The following DTNA variants were observed in gnomAD, a reference collection of about 807,000 sequenced individuals.
DTNA encodes dystrobrevin alpha, also known as dystrophin-related protein 3.
A neutral mutation model predicts 100.7 loss-of-function variants in DTNA; 43 were observed. The observed-to-expected ratio is 0.43, with a 90% CI of 0.33 to 0.55. The LOEUF is 0.55. DTNA is among the 20% of genes least tolerant of loss of function. The pLI, the probability that DTNA is intolerant of heterozygous loss-of-function variation, is 0.04. For missense variants in DTNA, 798 were observed against 953.9 expected (o/e 0.84, Z 2.15); for synonymous variants, 349 against 347.9 (o/e 1.00, Z -0.04).
intron 1 of DTNA, among the ~76,000 whole-genome samples, chr18:34,581,108 G>T (rs955159655): frequency 6.6e-6 from 1 of 152,170 alleles, no homozygotes; most frequent in Non-Finnish European, 1.5e-5. Flanking sequence ...AATTAGCCGG[G>T]TGTGGTGGCG....
chr18:34,755,512 A>G (rs1011429475), intron 1 of DTNA: 3 of 180,620 alleles, frequency 1.7e-5, no homozygotes, highest in Non-Finnish European at 3.5e-5. Flanking sequence ...ACAGGATGAG[A>G]TGGAAGCCAT....
chr18:34,776,877 C>G (rs2094083376), intron 3 of DTNA, among the ~76,000 whole-genome samples: 2 of 152,206 alleles, frequency 1.3e-5, no homozygotes, highest in Non-Finnish European at 2.9e-5. Context: ...CATTGGCCTC[C>G]TTACTTCACT....
chr18:34,617,941 A>T (rs1038426712), intron 1 of DTNA, among the ~76,000 whole-genome samples: 2 of 152,158 alleles, frequency 1.3e-5, no homozygotes, highest in African/African-American at 4.8e-5. Context: ...GTATACCTGT[A>T]TGCACATTTT....
intron 4 of DTNA, among the ~76,000 whole-genome samples, chr18:34,794,573 G>A (rs555392741): frequency 4.9e-4 from 74 of 152,240 alleles, no homozygotes; most frequent in South Asian, 2.9e-3. Flanking sequence ...TTAATGAAGC[G>A]TGAAGTGGGA....
At chr18:34,629,586 C>T (rs997009237) in intron 1 of DTNA, among the ~76,000 whole-genome samples, 9 of 152,124 alleles carry the variant, frequency 5.9e-5, no homozygotes, top group Non-Finnish European at 1.0e-4. Flanking sequence ...GAATTCAAGT[C>T]GTAGTGAGAT....
At chr18:34,824,506 G>A (rs913329544) in intron 9 of DTNA, among the ~76,000 whole-genome samples, 1 of 151,674 alleles carries the variant, frequency 6.6e-6, no homozygotes, top group Non-Finnish European at 1.5e-5. Flanking sequence ...TTTACTACAT[G>A]GCACATGTAT....
intron 1 of DTNA, among the ~76,000 whole-genome samples, chr18:34,617,222 G>A (rs2055483921): frequency 6.6e-6 from 1 of 152,176 alleles, no homozygotes; most frequent in Admixed American, 6.5e-5. Context: ...AATGCTCCCA[G>A]CTTTTGCCCA....
At chr18:34,830,908 T>A (rs1411197856) in intron 11 of DTNA, among the ~76,000 whole-genome samples, 1 of 152,212 alleles carries the variant, frequency 6.6e-6, no homozygotes, top group African/African-American at 2.4e-5. Flanking sequence ...AAGAGCTATG[T>A]ATGGTGAGCC....
chr18:34,735,820 T>G (rs1208511111), intron 1 of DTNA, among the ~76,000 whole-genome samples: 1 of 152,160 alleles, frequency 6.6e-6, no homozygotes, highest in Non-Finnish European at 1.5e-5. Context: ...TAGCTACTTT[T>G]CCTAATGCTG....
At chr18:34,686,650 C>T (rs1304282302) in intron 1 of DTNA, among the ~76,000 whole-genome samples, 1 of 152,158 alleles carries the variant, frequency 6.6e-6, no homozygotes, top group African/African-American at 2.4e-5. Flanking sequence ...ATGCTGGCCT[C>T]ATGAAATGAG....
intron 11 of DTNA, among the ~76,000 whole-genome samples, chr18:34,835,970 A>G (rs1211635436): frequency 4.6e-5 from 7 of 152,240 alleles, no homozygotes; most frequent in Admixed American, 3.9e-4. Flanking sequence ...GGGAAGAATC[A>G]TGGATGTTTC....
At chr18:34,851,286 G>T (rs1355661161) in intron 14 of DTNA, among the ~76,000 whole-genome samples, 1 of 152,114 alleles carries the variant, frequency 6.6e-6, no homozygotes, top group African/African-American at 2.4e-5. Context: ...ATTTTTAGTA[G>T]AGATGGGATT....
chr18:34,862,026 A>C (rs1263546334), intron 16 of DTNA, among the ~76,000 whole-genome samples: 1 of 152,100 alleles, frequency 6.6e-6, no homozygotes, highest in Non-Finnish European at 1.5e-5. Context: ...ATTACAGAAC[A>C]GTATCAAGAA....
chr18:34,803,551 T>C (rs1157500885), intron 4 of DTNA, among the ~76,000 whole-genome samples: 1 of 152,200 alleles, frequency 6.6e-6, no homozygotes, highest in Non-Finnish European at 1.5e-5. Context: ...ACTGTATTGC[T>C]CTTGAAGCCT....
rs141796072 is a variant in DTNA, at chr18:34,594,248, C to T, written c.-2+100734C>T. On this transcript the variant is annotated intron_variant, in intron 1 of 19. Coordinates refer to the DTNA transcript ENST00000283365. ...AAGAGTTGTCTGATTTTGCTATTGT[C>T]GCACTGTTTTAGGACTTCAAACTTC... Among the ~76,000 whole-genome samples the T allele has an allele frequency of 4.6e-4, 70 of 152,048 alleles. No homozygotes were observed. The East Asian group carries it at 0.011, about 25-fold the overall frequency.
At position 34,661,235 on chromosome 18, in the gene DTNA, A is replaced by T. The variant is rs142219005; in HGVS notation, c.-1-94741A>T. Among the ~76,000 whole-genome samples, 702 of 152,360 alleles carry T rather than the reference A, an allele frequency of 4.6e-3. 5 individuals are homozygous for T. Among genetic ancestry groups the T allele is most frequent in the African/African-American group, 0.016 (653 of 41,582 alleles). The stretch of plus-strand genomic sequence containing the variant: ...ATTAATTAATAAGAGCTAAGGTACT[A>T]TTAAATACTTAAAACAGGGATCAAA... On this transcript the variant is annotated intron_variant, in intron 1 of 19. Coordinates refer to the DTNA transcript ENST00000283365.
intron 1 of DTNA, among the ~76,000 whole-genome samples, chr18:34,628,940 C>T (rs2057707932): frequency 6.6e-6 from 1 of 152,146 alleles, no homozygotes; most frequent in Admixed American, 6.5e-5. Flanking sequence ...GGGCCAACTT[C>T]ACAAAGCGCC....
At chr18:34,596,094 GC>G (rs539353447) in intron 1 of DTNA, among the ~76,000 whole-genome samples, 239 of 152,298 alleles carry the variant, frequency 1.6e-3, no homozygotes, top group African/African-American at 5.7e-3. Flanking sequence ...ATAGTCATAT[GC>G]CCAAGGGCTT....
chr18:34,539,251 C>G (rs1192474612), intron 1 of DTNA, among the ~76,000 whole-genome samples: 1 of 150,980 alleles, frequency 6.6e-6, no homozygotes, highest in East Asian at 1.9e-4. Context: ...TTCTAGGATT[C>G]CATTCAAAAA....
Sources: allele counts gnomAD v4.1 joint callset (sites outside exome capture counted in the v4.1 genomes callset), GRCh38; gene constraint gnomAD v4.1.1; transcripts MANE v1.5; gene names NCBI Gene and HGNC (gene_info 2026-07-23, HGNC 2026-07-21).